The following HORMAD2 variants were observed in gnomAD, a reference collection of about 807,000 sequenced individuals.
The protein encoded by HORMAD2 is HORMA domain-containing protein 2.
HORMAD2 carries 45 observed loss-of-function variants against 38.8 expected under a neutral mutation model. That is an observed-to-expected ratio of 1.16 (90% CI 0.91 to 1.49). The LOEUF (loss-of-function observed/expected upper bound fraction) is 1.49, where lower values mean the gene tolerates loss of function less well. Among genes scored for constraint, HORMAD2 ranks in the 40% most tolerant of loss-of-function variants. HORMAD2 has a pLI of 0.00. For missense variants in HORMAD2, 338 were observed against 367.0 expected (o/e 0.92, Z 0.65); for synonymous variants, 126 against 122.8 (o/e 1.03, Z -0.17).
chr22:30,130,187 A>G (rs1043618276), intron 10 of HORMAD2, among the ~76,000 whole-genome samples: 1 of 152,174 alleles, frequency 6.6e-6, no homozygotes. Flanking sequence ...AAATAGAAAG[A>G]TTTTAATACA....
At chr22:30,095,187 GTTAA>G (rs1489320331) in intron 2 of HORMAD2, among the ~76,000 whole-genome samples, 2 of 152,118 alleles carry the variant, frequency 1.3e-5, no homozygotes, top group Admixed American at 6.5e-5. Context: ...ATAAAAGAGT[GTTAA>G]TTAATTGGCT....
At chr22:30,206,962 C>A in the HORMAD2 span, 1 of 423,370 alleles carries the variant, frequency 2.4e-6, no homozygotes, top group South Asian at 1.7e-5. Context: ...CCCCCACCCG[C>A]CCCACTTTCT....
At chr22:30,206,460 T>C in the HORMAD2 span, among the ~76,000 whole-genome samples, 3 of 151,798 alleles carry the variant, frequency 2.0e-5, no homozygotes. Flanking sequence ...GCCTGGCCTG[T>C]TTTATTTTTT....
intron 10 of HORMAD2, among the ~76,000 whole-genome samples, chr22:30,145,385 C>A (rs563855493): frequency 1.3e-5 from 2 of 152,098 alleles, no homozygotes; most frequent in East Asian, 3.9e-4. Context: ...TTATAAAGAA[C>A]AATTTTACTG....
intron 10 of HORMAD2, among the ~76,000 whole-genome samples, chr22:30,130,522 T>C (rs1409645063): frequency 6.6e-6 from 1 of 151,944 alleles, no homozygotes; most frequent in Non-Finnish European, 1.5e-5. Context: ...CTGTCCTAAT[T>C]GTGTCCTTAT....
chr22:30,106,451 A>G (rs1877207706), intron 5 of HORMAD2, among the ~76,000 whole-genome samples: 1 of 152,228 alleles, frequency 6.6e-6, no homozygotes, highest in Admixed American at 6.5e-5. Flanking sequence ...AGTATGGGAA[A>G]GGAGGCACTA....
chr22:30,095,011 T>C (rs73164714), intron 2 of HORMAD2, among the ~76,000 whole-genome samples: 6,563 of 152,244 alleles, frequency 0.043, 206 homozygotes, highest in Non-Finnish European at 0.068. Context: ...TGCCTGTTTA[T>C]TAGGCCCTAG....
chr22:30,202,694 T>C, the HORMAD2 span, among the ~76,000 whole-genome samples: 1 of 152,164 alleles, frequency 6.6e-6, no homozygotes, highest in Admixed American at 6.5e-5. Flanking sequence ...GGAAAACAAG[T>C]TCCTCTCCCA....
At chr22:30,190,919 A>G in the HORMAD2 span, among the ~76,000 whole-genome samples, 11 of 152,284 alleles carry the variant, frequency 7.2e-5, no homozygotes, top group South Asian at 2.1e-4. Flanking sequence ...GAAAACCCAC[A>G]TGTTGTACAT....
At chr22:30,203,152 T>C in the HORMAD2 span, among the ~76,000 whole-genome samples, 2 of 152,324 alleles carry the variant, frequency 1.3e-5, no homozygotes, top group East Asian at 3.9e-4. Context: ...CCCAGCACTT[T>C]GGGAGGCCGA....
chr22:30,176,037 G>T, intron 10 of HORMAD2, 26 bp from the exon 11 acceptor site: 1 of 1,455,476 alleles, frequency 6.9e-7, no homozygotes, highest in South Asian at 1.1e-5. Flanking sequence ...CTGCTGAATT[G>T]TGCCTCTCTC....
At chr22:30,192,976 A>G in the HORMAD2 span, among the ~76,000 whole-genome samples, 1 of 152,254 alleles carries the variant, frequency 6.6e-6, no homozygotes, top group African/African-American at 2.4e-5. Flanking sequence ...AGGATACCTT[A>G]TCAGAGTTCC....
Position 30,132,352 on chromosome 22 carries a change from C to T in HORMAD2, c.819+10138C>T, listed in dbSNP as rs959661225. The stretch of plus-strand genomic sequence containing the variant: ...ATCCCAGCACTTTGGGAGGCCAAGG[C>T]GGGAGGATCACCTGAGATCAGGAGT... On this transcript the variant is annotated intron_variant, in intron 10 of 10. Coordinates refer to ENST00000336726, the MANE Select transcript of HORMAD2 (RefSeq NM_152510.4). Among the ~76,000 whole-genome samples, 7 of 152,002 alleles carry T rather than the reference C, an allele frequency of 4.6e-5. No homozygotes were observed. The East Asian group carries it at 7.7e-4, about 17-fold the overall frequency.
chr22:30,077,945 T>TAATAAAA (rs2068403869), upstream of HORMAD2, among the ~76,000 whole-genome samples: 2 of 152,178 alleles, frequency 1.3e-5, no homozygotes, highest in Non-Finnish European at 2.9e-5. Context: ...ATACCTTCAA[T>TAATAAAA]GAACATAATA....
chr22:30,093,757 T>A (rs1363668792), intron 1 of HORMAD2, among the ~76,000 whole-genome samples, 159 bp from the exon 2 acceptor site: 1 of 152,188 alleles, frequency 6.6e-6, no homozygotes, highest in Non-Finnish European at 1.5e-5. Flanking sequence ...GGTAAATTTC[T>A]CTCTGAACTG....
chr22:30,127,499 G>A (rs183484289), intron 10 of HORMAD2, among the ~76,000 whole-genome samples: 4 of 152,144 alleles, frequency 2.6e-5, no homozygotes, highest in Admixed American at 2.0e-4. Context: ...GAACCACCAC[G>A]CCCAGCCTAA....
chr22:30,115,510 G>T (rs1482241898), intron 7 of HORMAD2, among the ~76,000 whole-genome samples: 1 of 152,044 alleles, frequency 6.6e-6, no homozygotes, highest in African/African-American at 2.4e-5. Flanking sequence ...AAAAATCGTT[G>T]TAGGATGAAA....
rs537057260 is a variant in HORMAD2, at chr22:30,173,193, A to T, written c.820-2870A>T. On this transcript the variant is annotated intron_variant, in intron 10 of 10. Transcript: ENST00000336726. ...AAGATGGAGCTGCAGAAATAGGCCA[A>T]GGCCATAAAGCACCTAGACTTTATT... Among the ~76,000 whole-genome samples, 118 of 152,318 alleles carry T rather than the reference A, an allele frequency of 7.7e-4. 1 individual carries two copies. The highest frequency in any genetic ancestry group is 1.9e-4 in the East Asian group (1 of 5,178).
intron 3 of HORMAD2, among the ~76,000 whole-genome samples, chr22:30,102,850 G>A (rs939773958): frequency 7.9e-5 from 12 of 151,928 alleles, no homozygotes; most frequent in Non-Finnish European, 1.3e-4. Context: ...GGCTGGTTTC[G>A]ACGTCCTAGG....
Sources: gnomAD v4.1 joint callset for allele counts (sites outside exome capture counted in the v4.1 genomes callset) on GRCh38, gnomAD v4.1.1 for gene constraint, MANE v1.5 for transcripts, NCBI Gene and HGNC (gene_info 2026-07-23, HGNC 2026-07-21) for gene names.